PAAF1: variants seen among roughly 807,000 people sequenced by gnomAD.
The protein encoded by PAAF1 is proteasomal ATPase-associated factor 1.
PAAF1 carries 46 observed loss-of-function variants against 52.8 expected under a neutral mutation model. The observed-to-expected ratio is 0.87, with a 90% CI of 0.69 to 1.11. The LOEUF (loss-of-function observed/expected upper bound fraction) is 1.11, where lower values mean the gene tolerates loss of function less well. Ranked by LOEUF, PAAF1 falls within the 50% of genes most tolerant of loss-of-function variation. The pLI is 0.00. For missense variants in PAAF1, 424 were observed against 477.4 expected, an observed-to-expected ratio of 0.89 and a Z score of 1.04; for synonymous variants, 178 against 172.8, an observed-to-expected ratio of 1.03 and a Z score of -0.24.
At chr11:73,876,982 G>A (rs1391281041), upstream of PAAF1, 1 of 1,502,130 alleles carries the variant, frequency 6.7e-7, no homozygotes, top group Non-Finnish European at 8.9e-7. Context: ...TCACTTCCGG[G>A]AAGGGGCGGA....
At chr11:73,919,166 G>A in intron 10 of PAAF1, 134 bp downstream of exon 10, 2 of 717,440 alleles carry the variant, frequency 2.8e-6, no homozygotes. Flanking sequence ...CCTATCAATA[G>A]TGTTTATCAC....
intron 2 of PAAF1, among the ~76,000 whole-genome samples, chr11:73,882,082 T>C (rs1451924790): frequency 6.6e-6 from 1 of 151,872 alleles, no homozygotes; most frequent in East Asian, 1.9e-4. Flanking sequence ...AGTTTCTCCA[T>C]GTTGGTCAGG....
intron 4 of PAAF1, among the ~76,000 whole-genome samples, chr11:73,893,887 C>T (rs1454067090): frequency 2.6e-5 from 4 of 152,074 alleles, no homozygotes; most frequent in East Asian, 1.9e-4. Flanking sequence ...AGTAAGACCT[C>T]GTCTCTACAA....
At chr11:73,884,707 C>G (rs576041419) in intron 2 of PAAF1, among the ~76,000 whole-genome samples, 1 of 152,112 alleles carries the variant, frequency 6.6e-6, no homozygotes. Context: ...CTGTGAAAAG[C>G]GTCTTTACTA....
chr11:73,912,281 A>G (rs1281624834), intron 7 of PAAF1, among the ~76,000 whole-genome samples: 3 of 152,100 alleles, frequency 2.0e-5, no homozygotes, highest in Non-Finnish European at 4.4e-5. Flanking sequence ...TTCAGACTCT[A>G]TTTCGATGTC....
intron 4 of PAAF1, among the ~76,000 whole-genome samples, chr11:73,897,256 G>T (rs1457369341): frequency 1.3e-5 from 2 of 149,542 alleles, no homozygotes; most frequent in Admixed American, 6.6e-5. Context: ...CCTCCCTCCC[G>T]GACGGGGCGG....
chr11:73,885,842 C>CAAAA (rs371468192), intron 2 of PAAF1, among the ~76,000 whole-genome samples: 3 of 82,388 alleles, frequency 3.6e-5, no homozygotes, highest in Non-Finnish European at 5.3e-5. Context: ...AACTCCATCT[C>CAAAA]AAAAAAAAAA....
intron 10 of PAAF1, chr11:73,922,242 T>C: frequency 1.6e-6 from 1 of 632,010 alleles, no homozygotes; most frequent in Non-Finnish European, 2.9e-6. Context: ...TTTGTACTTT[T>C]CTACTTTTCT....
intron 6 of PAAF1, among the ~76,000 whole-genome samples, chr11:73,908,838 G>A (rs1169480113): frequency 6.6e-6 from 1 of 151,554 alleles, no homozygotes; most frequent in Non-Finnish European, 1.5e-5. Flanking sequence ...TTGAAGGCTG[G>A]AGTGCAGTGG....
At chr11:73,898,293 C>T (rs571021799) in intron 4 of PAAF1, among the ~76,000 whole-genome samples, 7 of 152,020 alleles carry the variant, frequency 4.6e-5, no homozygotes, top group African/African-American at 1.7e-4. Flanking sequence ...TTGAATCCTC[C>T]TGGTGCATCT....
chr11:73,914,511 G>A lies in PAAF1; in HGVS notation c.819+7G>A, dbSNP rs751137146. ...ACTACAGAGCAGGCAGCTGGCAAGT[G>A]GTTCCTATATGACCTTTGAACTCTG... On this transcript the variant is annotated splice_region_variant and intron_variant, in intron 8 of 11. Transcript: ENST00000310571. 2.5e-6 allele frequency: 4 copies of A among 1,613,604 alleles called. No individual in the cohort carries two copies. The highest frequency in any genetic ancestry group is 3.4e-6 in the Non-Finnish European group (4 of 1,179,652).
At chr11:73,893,890 C>T (rs1182676193) in intron 4 of PAAF1, among the ~76,000 whole-genome samples, 2 of 152,138 alleles carry the variant, frequency 1.3e-5, no homozygotes, top group Non-Finnish European at 2.9e-5. Flanking sequence ...AAGACCTCGT[C>T]TCTACAAAAA....
intron 1 of PAAF1, among the ~76,000 whole-genome samples, chr11:73,878,104 C>T (rs1257228811): frequency 1.3e-5 from 2 of 152,118 alleles, no homozygotes; most frequent in African/African-American, 4.8e-5. Context: ...GAAATTTACA[C>T]CTTACTAAAT....
intron 6 of PAAF1, among the ~76,000 whole-genome samples, chr11:73,902,705 TA>T (rs551071077): frequency 2.3e-4 from 35 of 152,278 alleles, no homozygotes; most frequent in African/African-American, 8.2e-4. Flanking sequence ...TATTTATTAT[TA>T]TTTTTTTTGA....
chr11:73,902,361 G>C (rs1227389738), intron 6 of PAAF1, among the ~76,000 whole-genome samples: 1 of 152,168 alleles, frequency 6.6e-6, no homozygotes, highest in Non-Finnish European at 1.5e-5. Flanking sequence ...GAAGAACTGA[G>C]AGATTGAAGG....
chr11:73,911,516 T>C (rs1259563432), intron 7 of PAAF1, among the ~76,000 whole-genome samples: 2 of 152,042 alleles, frequency 1.3e-5, no homozygotes, highest in East Asian at 1.9e-4. Flanking sequence ...TTTTTTCTTG[T>C]TTTCTGTAAT....
intron 7 of PAAF1, among the ~76,000 whole-genome samples, chr11:73,910,728 C>T (rs1049888413): frequency 3.3e-5 from 5 of 152,042 alleles, no homozygotes; most frequent in African/African-American, 9.7e-5. Flanking sequence ...CAGTGGCTCA[C>T]GCCTGTAATC....
At chr11:73,877,224 C>A in intron 1 of PAAF1, 156 bp downstream of exon 1, 2 of 701,304 alleles carry the variant, frequency 2.9e-6, no homozygotes, top group Non-Finnish European at 4.2e-6. Context: ...AAGTATCAAA[C>A]CCGTATGGTC....
intron 2 of PAAF1, 136 bp downstream of exon 2, chr11:73,878,955 A>G: frequency 1.6e-6 from 1 of 640,846 alleles, no homozygotes; most frequent in Non-Finnish European, 2.6e-6. Flanking sequence ...TCTGTACTGT[A>G]TGGCCAACAC....
Sources: allele counts gnomAD v4.1 joint callset (sites outside exome capture counted in the v4.1 genomes callset), GRCh38; gene constraint gnomAD v4.1.1; transcripts MANE v1.5; gene names NCBI Gene and HGNC (gene_info 2026-07-23, HGNC 2026-07-21).